The following GALNT17 variants were observed in gnomAD, a reference collection of about 807,000 sequenced individuals.
GALNT17 encodes the protein UDP-GalNAc:polypeptide N-acetylgalactosaminyltransferase-like 3.
A neutral mutation model predicts 63.7 loss-of-function variants in GALNT17; 29 were observed. That is an observed-to-expected ratio of 0.46 (90% CI 0.34 to 0.62). The LOEUF (loss-of-function observed/expected upper bound fraction) is 0.62. GALNT17 is among the 20% of genes least tolerant of loss of function. GALNT17 has a pLI of 0.01. For synonymous variants in GALNT17, 305 were observed against 318.3 expected (o/e 0.96, Z 0.45); for missense variants, 603 against 799.6 (o/e 0.75, Z 2.97).
chr7:71,478,736 A>G (rs1281053120), intron 5 of GALNT17, among the ~76,000 whole-genome samples: 1 of 152,150 alleles, frequency 6.6e-6, no homozygotes, highest in African/African-American at 2.4e-5. Context: ...CTTCACAGAC[A>G]AAGGTCTGTG....
At chr7:71,260,825 A>C (rs983305118) in intron 1 of GALNT17, among the ~76,000 whole-genome samples, 4 of 151,946 alleles carry the variant, frequency 2.6e-5, no homozygotes, top group African/African-American at 9.7e-5. Flanking sequence ...GCTGGCCTCG[A>C]ACTCCTGGAC....
rs1283618252 is a variant in GALNT17 at position 71,629,447 on chromosome 7, C to T, written c.1081-35964C>T. ...AATCTTGGGAGCTGGTTTTGGGATC[C>T]CTTAAAGCTTATCTAAAATCTCTAG... On this transcript the variant is annotated intron_variant, in intron 6 of 10. Transcript: ENST00000333538. Among the ~76,000 whole-genome samples the T allele has an allele frequency of 5.9e-5, 9 of 152,172 alleles. No individual in the cohort carries two copies. The East Asian group carries it at 1.7e-3, about 29-fold the overall frequency.
At chr7:71,539,080 G>A (rs188452737) in intron 5 of GALNT17, among the ~76,000 whole-genome samples, 194 of 152,276 alleles carry the variant, frequency 1.3e-3, no homozygotes, top group Admixed American at 4.3e-3. Flanking sequence ...CCAGGCGTGA[G>A]CCACCGTGCT....
chr7:71,271,401 C>A (rs1397492305), intron 1 of GALNT17, among the ~76,000 whole-genome samples: 1 of 152,160 alleles, frequency 6.6e-6, no homozygotes, highest in South Asian at 2.1e-4. Context: ...GTGGCACTGA[C>A]CAGTGGCCAC....
chr7:71,363,206 A>G (rs888283897), intron 2 of GALNT17, among the ~76,000 whole-genome samples: 2 of 152,042 alleles, frequency 1.3e-5, no homozygotes, highest in Non-Finnish European at 2.9e-5. Context: ...ACCTCAAGTG[A>G]TCCACCCACC....
chr7:71,306,282 ACAAT>A (rs905828354), intron 1 of GALNT17, among the ~76,000 whole-genome samples: 2 of 80,414 alleles, frequency 2.5e-5, no homozygotes, highest in African/African-American at 7.7e-5. Flanking sequence ...TACCATCTTA[ACAAT>A]TTATATGTGC....
chr7:71,161,009 A>ATT (rs113875313), intron 1 of GALNT17, among the ~76,000 whole-genome samples: 11,760 of 149,762 alleles, frequency 0.079, 554 homozygotes, highest in African/African-American at 0.12. Context: ...AATTAAAACA[A>ATT]TTTTTTTTTT....
chr7:71,415,709 T>C (rs1198007962), intron 3 of GALNT17, among the ~76,000 whole-genome samples, 180 bp from the exon 4 acceptor site: 3 of 152,170 alleles, frequency 2.0e-5, no homozygotes, highest in African/African-American at 7.2e-5. Flanking sequence ...CCTGGGTGAA[T>C]GCATCAGAGA....
intron 5 of GALNT17, among the ~76,000 whole-genome samples, chr7:71,513,792 T>C (rs921312614): frequency 6.6e-6 from 1 of 152,166 alleles, no homozygotes; most frequent in African/African-American, 2.4e-5. Flanking sequence ...AAGAAAGGCT[T>C]TCTGTATCCT....
chr7:71,703,251 A>G (rs1421176111), intron 9 of GALNT17, among the ~76,000 whole-genome samples: 1 of 152,192 alleles, frequency 6.6e-6, no homozygotes, highest in Middle Eastern at 3.2e-3. Flanking sequence ...GAGACTGGGT[A>G]ATTTATAAAG....
intron 1 of GALNT17, among the ~76,000 whole-genome samples, chr7:71,210,483 A>G (rs1562918074): frequency 6.6e-6 from 1 of 152,194 alleles, no homozygotes; most frequent in Non-Finnish European, 1.5e-5. Flanking sequence ...TTTTAACTAT[A>G]AAGGCCCTGT....
intron 6 of GALNT17, among the ~76,000 whole-genome samples, chr7:71,571,781 C>T (rs917653174): frequency 4.6e-5 from 7 of 152,094 alleles, no homozygotes; most frequent in East Asian, 3.9e-4. Flanking sequence ...TGGGAGGCCA[C>T]GGTGGTGCGA....
At chr7:71,698,123 C>CAAAAAAA (rs10708106) in intron 9 of GALNT17, among the ~76,000 whole-genome samples, 5 of 107,692 alleles carry the variant, frequency 4.6e-5, no homozygotes, top group African/African-American at 6.6e-5. Flanking sequence ...GACTCTGTCT[C>CAAAAAAA]AAAAAAAAAA....
At chr7:71,172,596 G>C (rs1788565821) in intron 1 of GALNT17, among the ~76,000 whole-genome samples, 1 of 152,088 alleles carries the variant, frequency 6.6e-6, no homozygotes, top group Non-Finnish European at 1.5e-5. Flanking sequence ...ATGGATAGAG[G>C]CCATCACAAC....
At chr7:71,528,174 A>G (rs949342214) in intron 5 of GALNT17, among the ~76,000 whole-genome samples, 13 of 152,244 alleles carry the variant, frequency 8.5e-5, no homozygotes, top group African/African-American at 2.7e-4. Context: ...AAAAGCAGAC[A>G]AAATGGGCTG....
chr7:71,312,171 C>T (rs1047808166), intron 1 of GALNT17, among the ~76,000 whole-genome samples: 7 of 152,230 alleles, frequency 4.6e-5, no homozygotes, highest in African/African-American at 1.4e-4. Context: ...CTCTGAGCTG[C>T]ACTTCTGGGC....
At chr7:71,527,268 A>G (rs910302173) in intron 5 of GALNT17, among the ~76,000 whole-genome samples, 2 of 152,226 alleles carry the variant, frequency 1.3e-5, no homozygotes, top group South Asian at 2.1e-4. Context: ...TTGTAGAAAA[A>G]CCATTATATA....
At chr7:71,711,080 C>G (rs1470847799) in intron 10 of GALNT17, 152 bp downstream of exon 10, 1 of 995,318 alleles carries the variant, frequency 1.0e-6, no homozygotes, top group Non-Finnish European at 1.4e-6. Flanking sequence ...ACCCAAAGCA[C>G]TTCCTGGGGG....
At chr7:71,707,853 T>C (rs1389696122) in intron 9 of GALNT17, among the ~76,000 whole-genome samples, 1 of 152,152 alleles carries the variant, frequency 6.6e-6, no homozygotes, top group African/African-American at 2.4e-5. Flanking sequence ...TCTGCTCCAT[T>C]CCATTGGCCA....
Sources: gnomAD v4.1 joint callset for allele counts (sites outside exome capture counted in the v4.1 genomes callset) on GRCh38, gnomAD v4.1.1 for gene constraint, MANE v1.5 for transcripts, NCBI Gene and HGNC (gene_info 2026-07-23, HGNC 2026-07-21) for gene names.